The following DGKB variants were observed in gnomAD, a reference collection of about 807,000 sequenced individuals.
The protein encoded by DGKB is diacylglycerol kinase beta, also known as 90 kDa diacylglycerol kinase.
DGKB carries 67 observed loss-of-function variants against 114.3 expected under a neutral mutation model. The ratio of observed to expected loss-of-function variants is 0.59; its 90% confidence interval spans 0.48 to 0.72. DGKB has a LOEUF of 0.72. Ranked by LOEUF, DGKB falls within the 30% of genes least tolerant of loss-of-function variation. DGKB has a pLI of 0.00. For missense variants in DGKB, 907 were observed against 975.2 expected, an observed-to-expected ratio of 0.93 and a Z score of 0.93; for synonymous variants, 398 against 323.1, an observed-to-expected ratio of 1.23 and a Z score of -2.49.
intron 1 of DGKB, among the ~76,000 whole-genome samples, chr7:14,935,474 T>C (rs1282924807): frequency 6.6e-6 from 1 of 152,222 alleles, no homozygotes; most frequent in African/African-American, 2.4e-5. Flanking sequence ...ATGCATTTTC[T>C]ACTGAATGCA....
At chr7:14,799,685 T>A (rs1468607567) in intron 2 of DGKB, among the ~76,000 whole-genome samples, 1 of 152,174 alleles carries the variant, frequency 6.6e-6, no homozygotes, top group African/African-American at 2.4e-5. Flanking sequence ...TTGGATGTGT[T>A]ACCTCAGCTC....
intron 20 of DGKB, among the ~76,000 whole-genome samples, chr7:14,566,121 T>A (rs998046360): frequency 3.3e-5 from 5 of 152,024 alleles, no homozygotes; most frequent in Non-Finnish European, 7.4e-5. Flanking sequence ...TTAAAAAGAA[T>A]CATTTTATAG....
At chr7:14,636,883 G>C (rs1585243484) in intron 13 of DGKB, among the ~76,000 whole-genome samples, 1 of 151,968 alleles carries the variant, frequency 6.6e-6, no homozygotes, top group Admixed American at 6.6e-5. Context: ...GCTAGCTCAA[G>C]TTATTACAGT....
chr7:14,763,932 T>C (rs1199474146), intron 2 of DGKB, among the ~76,000 whole-genome samples: 3 of 151,998 alleles, frequency 2.0e-5, no homozygotes, highest in African/African-American at 4.8e-5. Context: ...CAGGCTAATA[T>C]GATAGTTTTT....
intron 1 of DGKB, among the ~76,000 whole-genome samples, chr7:14,931,875 T>C (rs942693197): frequency 3.9e-5 from 6 of 152,098 alleles, no homozygotes; most frequent in African/African-American, 1.4e-4. Context: ...CTGGTTTCAT[T>C]GCCAGTTTCT....
intron 1 of DGKB, among the ~76,000 whole-genome samples, chr7:14,898,092 T>G (rs933083912): frequency 6.6e-6 from 1 of 151,986 alleles, no homozygotes; most frequent in Non-Finnish European, 1.5e-5. Context: ...ATAGAAAGAC[T>G]GTTGGGCCCG....
intron 17 of DGKB, among the ~76,000 whole-genome samples, chr7:14,585,065 A>T (rs962058233): frequency 6.6e-6 from 1 of 152,196 alleles, no homozygotes; most frequent in Non-Finnish European, 1.5e-5. Flanking sequence ...CCAACACTGC[A>T]TAAATATAAT....
At chr7:14,676,714 A>G (rs919190988) in intron 12 of DGKB, among the ~76,000 whole-genome samples, 2 of 152,054 alleles carry the variant, frequency 1.3e-5, no homozygotes, top group African/African-American at 4.8e-5. Flanking sequence ...AAGGCTGACT[A>G]TTGTTTTAAA....
chr7:14,753,687 C>T (rs1834443067), intron 4 of DGKB, among the ~76,000 whole-genome samples: 1 of 152,138 alleles, frequency 6.6e-6, no homozygotes, highest in African/African-American at 2.4e-5. Context: ...GAAGGCCACA[C>T]TTGAGACCCT....
chr7:14,207,202 T>C (rs1786972533), intron 23 of DGKB, among the ~76,000 whole-genome samples: 1 of 152,204 alleles, frequency 6.6e-6, no homozygotes, highest in East Asian at 1.9e-4. Context: ...CAGTATGTGA[T>C]CCATCAACAT....
intron 23 of DGKB, among the ~76,000 whole-genome samples, chr7:14,284,141 C>G (rs1239913698): frequency 1.3e-5 from 2 of 151,972 alleles, no homozygotes; most frequent in Non-Finnish European, 2.9e-5. Flanking sequence ...TATCCAGAAT[C>G]TACAATGAAC....
At chr7:14,296,339 CT>C (rs1477614176) in intron 23 of DGKB, among the ~76,000 whole-genome samples, 1 of 152,010 alleles carries the variant, frequency 6.6e-6, no homozygotes, top group Admixed American at 6.6e-5. Context: ...CAAACTCATT[CT>C]TTTTTATGGC....
intron 2 of DGKB, among the ~76,000 whole-genome samples, chr7:14,766,973 T>A (rs1379222628): frequency 6.6e-6 from 1 of 151,054 alleles, no homozygotes; most frequent in East Asian, 1.9e-4. Flanking sequence ...TTCAATTCAG[T>A]AGCTGGGAAA....
At chr7:14,855,604 T>C in intron 1 of DGKB, among the ~76,000 whole-genome samples, 1 of 152,242 alleles carries the variant, frequency 6.6e-6, no homozygotes, top group African/African-American at 2.4e-5. Flanking sequence ...ATTCAGCATT[T>C]TGCCTTCCTA....
At chr7:14,889,526 T>A (rs905252765) in intron 1 of DGKB, among the ~76,000 whole-genome samples, 2 of 151,518 alleles carry the variant, frequency 1.3e-5, no homozygotes, top group Admixed American at 6.6e-5. Flanking sequence ...AGATGGGAGA[T>A]GGGAGAGGAA....
At chr7:14,377,258 A>G (rs1243493998) in intron 21 of DGKB, among the ~76,000 whole-genome samples, 1 of 152,182 alleles carries the variant, frequency 6.6e-6, no homozygotes, top group African/African-American at 2.4e-5. Context: ...AGCCAAATGT[A>G]CCTTTTATAA....
chr7:14,183,537 T>A (rs1278950764), intron 23 of DGKB, among the ~76,000 whole-genome samples: 1 of 152,318 alleles, frequency 6.6e-6, no homozygotes, highest in African/African-American at 2.4e-5. Flanking sequence ...GGCTAATATA[T>A]CTACTATATG....
At chr7:14,343,268 T>A (rs1264188306) in intron 22 of DGKB, among the ~76,000 whole-genome samples, 1 of 151,352 alleles carries the variant, frequency 6.6e-6, no homozygotes, top group Non-Finnish European at 1.5e-5. Context: ...ATTATTTTAA[T>A]AGCTCCCAAA....
intron 17 of DGKB, among the ~76,000 whole-genome samples, chr7:14,605,020 A>G (rs566162860): frequency 6.6e-6 from 1 of 152,228 alleles, no homozygotes; most frequent in Non-Finnish European, 1.5e-5. Flanking sequence ...GACATTGAAT[A>G]TTTTCAGCCA....
Sources: allele counts gnomAD v4.1 joint callset (sites outside exome capture counted in the v4.1 genomes callset), GRCh38; gene constraint gnomAD v4.1.1; transcripts MANE v1.5; gene names NCBI Gene and HGNC (gene_info 2026-07-23, HGNC 2026-07-21).